SLC9A9: variants seen among roughly 807,000 people sequenced by gnomAD.
SLC9A9 encodes sodium/hydrogen exchanger 9.
In SLC9A9, 62 loss-of-function variants were observed where a neutral mutation model predicts 77.8. That is an observed-to-expected ratio of 0.80 (90% CI 0.65 to 0.98). The LOEUF is 0.98. SLC9A9 is among the 50% of genes least tolerant of loss of function. The pLI, the probability that SLC9A9 is intolerant of heterozygous loss-of-function variation, is 0.00. For missense variants in SLC9A9, 775 were observed against 774.9 expected (o/e 1.00, Z 0.00); for synonymous variants, 320 against 283.5 (o/e 1.13, Z -1.29).
intron 12 of SLC9A9, among the ~76,000 whole-genome samples, chr3:143,402,517 T>C (rs376915909): frequency 9.9e-5 from 15 of 151,960 alleles, no homozygotes; most frequent in Admixed American, 7.9e-4. Flanking sequence ...CTGTCAGTTT[T>C]TGCTTCATGT....
chr3:143,788,308 TTA>T (rs918594873), intron 4 of SLC9A9, among the ~76,000 whole-genome samples: 9 of 152,174 alleles, frequency 5.9e-5, no homozygotes, highest in African/African-American at 2.2e-4. Context: ...AGGGGAGGAC[TTA>T]TTAACAAAAT....
chr3:143,679,060 G>T (rs60700545), intron 5 of SLC9A9, among the ~76,000 whole-genome samples: 18,771 of 150,220 alleles, frequency 0.12, 1,491 homozygotes, highest in African/African-American at 0.21. Flanking sequence ...GGTGAGGGGG[G>T]TGGGAAGAGT....
chr3:143,816,534 C>T (rs1444162916), intron 2 of SLC9A9, among the ~76,000 whole-genome samples: 7 of 152,144 alleles, frequency 4.6e-5, no homozygotes, highest in African/African-American at 1.7e-4. Context: ...ACTTAAACTG[C>T]TGTGTAATGT....
chr3:143,483,631 C>G (rs1470281143), intron 11 of SLC9A9, among the ~76,000 whole-genome samples: 1 of 152,154 alleles, frequency 6.6e-6, no homozygotes, highest in Non-Finnish European at 1.5e-5. Context: ...GGTAGGGCTC[C>G]TCTCAGGATC....
intron 13 of SLC9A9, among the ~76,000 whole-genome samples, chr3:143,372,674 C>T (rs2033083893): frequency 6.6e-6 from 1 of 152,098 alleles, no homozygotes; most frequent in Admixed American, 6.5e-5. Flanking sequence ...ATAGAGCAAA[C>T]TACAGAATGG....
At chr3:143,421,586 A>G (rs6789065) in intron 12 of SLC9A9, among the ~76,000 whole-genome samples, 3 of 151,962 alleles carry the variant, frequency 2.0e-5, no homozygotes, top group Non-Finnish European at 4.4e-5. Flanking sequence ...CACTACAAAA[A>G]TTAATCTAAG....
At chr3:143,504,032 C>T (rs6771449) in intron 9 of SLC9A9, 134,057 of 480,166 alleles carry the variant, frequency 0.28, 21,810 homozygotes, top group Non-Finnish European at 0.36. Context: ...GGGGTAGGAT[C>T]TCACTCCTGG....
intron 4 of SLC9A9, among the ~76,000 whole-genome samples, chr3:143,745,131 A>G (rs948247435): frequency 2.0e-5 from 3 of 152,230 alleles, no homozygotes; most frequent in Non-Finnish European, 4.4e-5. Context: ...TGACTGACAT[A>G]TGAAATATAC....
At chr3:143,767,236 G>A (rs1261666883) in intron 4 of SLC9A9, among the ~76,000 whole-genome samples, 1 of 152,066 alleles carries the variant, frequency 6.6e-6, no homozygotes, top group East Asian at 1.9e-4. Flanking sequence ...GGGTGTCTTT[G>A]GGCAGGACCG....
intron 1 of SLC9A9, among the ~76,000 whole-genome samples, chr3:143,835,205 T>G (rs180673819): frequency 1.3e-5 from 2 of 152,182 alleles, no homozygotes; most frequent in African/African-American, 4.8e-5. Context: ...CCCCACATTC[T>G]CTAAAGGAAT....
chr3:143,778,829 G>A (rs1315113873), intron 4 of SLC9A9, among the ~76,000 whole-genome samples: 1 of 152,138 alleles, frequency 6.6e-6, no homozygotes, highest in Non-Finnish European at 1.5e-5. Context: ...GAAAAGATTA[G>A]AGACCCAGCT....
intron 5 of SLC9A9, among the ~76,000 whole-genome samples, chr3:143,669,982 C>T (rs1232988024): frequency 6.6e-6 from 1 of 152,136 alleles, no homozygotes; most frequent in Non-Finnish European, 1.5e-5. Context: ...ACAGTTTCTA[C>T]TTGTTTTCCT....
intron 12 of SLC9A9, among the ~76,000 whole-genome samples, chr3:143,441,158 A>G (rs2034726525): frequency 2.0e-5 from 3 of 152,222 alleles, no homozygotes; most frequent in Non-Finnish European, 2.9e-5. Flanking sequence ...CCAAAGTGGT[A>G]AACAGTAACT....
intron 2 of SLC9A9, among the ~76,000 whole-genome samples, chr3:143,823,599 A>G (rs897663286): frequency 6.6e-6 from 1 of 152,214 alleles, no homozygotes; most frequent in Non-Finnish European, 1.5e-5. Flanking sequence ...GCCTGTATCA[A>G]AACATTTTAT....
intron 9 of SLC9A9, among the ~76,000 whole-genome samples, chr3:143,502,650 T>TAGCTTTTATGAGGCTCGACAC (rs1441252578): frequency 6.6e-6 from 1 of 152,138 alleles, no homozygotes; most frequent in East Asian, 1.9e-4. Context: ...TTCCTCAACA[T>TAGCTTTTATGAGGCTCGACAC]AGCTTTTATG....
At chr3:143,732,264 T>A (rs1934824344) in intron 4 of SLC9A9, among the ~76,000 whole-genome samples, 1 of 152,242 alleles carries the variant, frequency 6.6e-6, no homozygotes, top group South Asian at 2.1e-4. Context: ...TGGGTCTTTG[T>A]CAAAAATCCA....
At chr3:143,389,990 T>A (rs186908327) in intron 12 of SLC9A9, among the ~76,000 whole-genome samples, 2 of 152,342 alleles carry the variant, frequency 1.3e-5, no homozygotes, top group East Asian at 3.9e-4. Context: ...GTGGTGCCCC[T>A]CTGGGTTTCC....
chr3:143,663,001 AC>A (rs1381042593), intron 5 of SLC9A9, among the ~76,000 whole-genome samples: 2 of 151,908 alleles, frequency 1.3e-5, no homozygotes, highest in Non-Finnish European at 2.9e-5. Flanking sequence ...TGGGTCCCTG[AC>A]CCCCAAGTAG....
chr3:143,567,448 C>A (rs1408515817), intron 8 of SLC9A9, among the ~76,000 whole-genome samples: 2 of 152,116 alleles, frequency 1.3e-5, no homozygotes, highest in African/African-American at 4.8e-5. Flanking sequence ...ATAAAGACTT[C>A]TCACTTGCAT....
Sources: gnomAD v4.1 joint callset for allele counts (sites outside exome capture counted in the v4.1 genomes callset) on GRCh38, gnomAD v4.1.1 for gene constraint, MANE v1.5 for transcripts, NCBI Gene and HGNC (gene_info 2026-07-23, HGNC 2026-07-21) for gene names.